Variants in LAT2 observed in about 807,000 individuals in gnomAD.
LAT2 encodes the protein linker for activation of T-cells family member 2.
LAT2 carries 23 observed loss-of-function variants against 43.4 expected under a neutral mutation model. The observed-to-expected ratio is 0.53, with a 90% CI of 0.38 to 0.75. The LOEUF (loss-of-function observed/expected upper bound fraction) is 0.75. Among genes scored for constraint, LAT2 ranks in the 30% least tolerant of loss-of-function variants. The pLI is 0.00. For missense variants in LAT2, 284 were observed against 310.2 expected (o/e 0.92, Z 0.64); for synonymous variants, 128 against 123.2 (o/e 1.04, Z -0.26).
intron 4 of LAT2, 115 bp downstream of exon 4, chr7:74,216,979 C>A: frequency 3.4e-6 from 3 of 878,784 alleles, no homozygotes; most frequent in South Asian, 1.4e-5. Context: ...TCCTCCGTGC[C>A]AAGTTCTAGT....
At chr7:74,214,510 ATG>A (rs1801918906) in intron 1 of LAT2, among the ~76,000 whole-genome samples, 1 of 23,660 alleles carries the variant, frequency 4.2e-5, no homozygotes, top group Non-Finnish European at 6.0e-5. Flanking sequence ...ATATATATAT[ATG>A]AAAATATATA....
chr7:74,219,181 C>T (rs1240763906), intron 4 of LAT2, among the ~76,000 whole-genome samples: 5 of 151,668 alleles, frequency 3.3e-5, no homozygotes, highest in South Asian at 2.1e-4. Context: ...GGACTACAGG[C>T]GCCCGCCACC....
intron 10 of LAT2, among the ~76,000 whole-genome samples, chr7:74,222,865 C>G (rs782269203): frequency 1.3e-5 from 2 of 152,248 alleles, no homozygotes; most frequent in South Asian, 4.1e-4. Flanking sequence ...ATGAGCCACC[C>G]CGCCAGGCTG....
intron 10 of LAT2, among the ~76,000 whole-genome samples, chr7:74,222,874 T>C (rs1436851686): frequency 6.6e-6 from 1 of 152,192 alleles, no homozygotes; most frequent in Admixed American, 6.5e-5. Flanking sequence ...CCCGCCAGGC[T>C]GGCAGTGCTC....
intron 10 of LAT2, among the ~76,000 whole-genome samples, chr7:74,221,961 G>C (rs1247856064): frequency 6.6e-6 from 1 of 151,998 alleles, no homozygotes; most frequent in Non-Finnish European, 1.5e-5. Flanking sequence ...GGGGAGGTGG[G>C]GGGAGGCCAG....
chr7:74,222,356 G>A (rs1554715438), intron 10 of LAT2, among the ~76,000 whole-genome samples: 1 of 146,174 alleles, frequency 6.8e-6, no homozygotes, highest in Admixed American at 6.9e-5. Context: ...AGCCAAGATC[G>A]CACCATTGCA....
At chr7:74,228,353 G>A (rs1236495647) in intron 13 of LAT2, among the ~76,000 whole-genome samples, 8 of 151,034 alleles carry the variant, frequency 5.3e-5, no homozygotes, top group Admixed American at 3.3e-4. Flanking sequence ...GCAGGCGCCT[G>A]TAGTCCCAGC....
rs116847163 is a variant in LAT2, at chr7:74,210,076, C to T, written c.-231C>T. ...GGATGGGGCGGCCGTGGTGAGGAAC[C>T]CTGGACTCTCAGGTAAGCCTTTCCC... On this transcript the variant is annotated 5_prime_UTR_variant, in exon 1 of 14. Transcript: ENST00000460943. 2.0e-5 allele frequency: 3 copies of T among 152,418 alleles called. No homozygotes were observed. The highest frequency in any genetic ancestry group is 4.4e-5 in the Non-Finnish European group (3 of 68,270). 9.4% of individuals were successfully genotyped at this position (152,418 alleles called of 1,614,324 possible).
intron 1 of LAT2, 46 bp from the exon 2 acceptor site, chr7:74,214,776 A>AATATATATATAAACATATATATCTCACT (rs1563968789): frequency 1.6e-5 from 1 of 60,952 alleles, no homozygotes; most frequent in African/African-American, 9.0e-5. Flanking sequence ...TATATATATA[A>AATATATATATAAACATATATATCTCACT]ATATATATAT....
intron 1 of LAT2, among the ~76,000 whole-genome samples, chr7:74,211,650 G>C (rs1801742107): frequency 3.9e-5 from 6 of 151,946 alleles, no homozygotes; most frequent in Admixed American, 2.6e-4. Context: ...GTAGAGACGG[G>C]GTTTCGCCAT....
In LAT2 at chr7:74,220,938, G is replaced by C. The variant is rs535129870; in HGVS notation, c.332+204G>C. On this transcript the variant is annotated intron_variant, in intron 9 of 13. Coordinates refer to ENST00000460943, the MANE Select transcript of LAT2 (RefSeq NM_032464.3). The surrounding 1 kb of genome is among the most constrained non-coding windows in gnomAD (Gnocchi z 4.5). ...CATTGGGCGACACTGTTGTCTCTTA[G>C]GTAACCCTGGGTTTGGGGGACTGGA... is the stretch of plus-strand genomic sequence containing the variant. Among the ~76,000 whole-genome samples the C allele has an allele frequency of 6.6e-6, 1 of 152,290 alleles. No individual in the cohort carries two copies. The highest frequency in any genetic ancestry group is 2.1e-4 in the South Asian group (1 of 4,828).
chr7:74,228,872 T>C (rs1802591494), intron 13 of LAT2, 72 bp from the exon 14 acceptor site: 1 of 151,854 alleles, frequency 6.6e-6, no homozygotes, highest in South Asian at 2.1e-4. Flanking sequence ...CCCAAACCAG[T>C]GGTTATGGTT....
At chr7:74,224,262 G>T (rs1421665711) in intron 12 of LAT2, 65 bp downstream of exon 12, 1 of 1,542,156 alleles carries the variant, frequency 6.5e-7, no homozygotes, top group Admixed American at 1.7e-5. Context: ...TGGCCTGGAA[G>T]GGCAGGCTGA....
At chr7:74,214,774 T>TATATAA (rs1801968643) in intron 1 of LAT2, 48 bp from the exon 2 acceptor site, 1 of 20,866 alleles carries the variant, frequency 4.8e-5, no homozygotes, top group Non-Finnish European at 8.5e-5. Context: ...CATATATATA[T>TATATAA]AAATATATAT....
Position 74,222,660 on chromosome 7 carries a change from G to A in LAT2, c.388+968G>A, listed in dbSNP as rs1049412527. On this transcript the variant is annotated intron_variant, in intron 10 of 13. Transcript: ENST00000460943. ...ACGATCTTGGTTCACTGCAACCTCC[G>A]CCTCCCGGGTTCAAGCGATTTTCCT... Among the ~76,000 whole-genome samples the A allele has an allele frequency of 1.3e-4, 19 of 151,674 alleles. No homozygotes were observed. In the East Asian group the frequency reaches 2.8e-3, roughly 22 times the overall value.
intron 10 of LAT2, among the ~76,000 whole-genome samples, 181 bp downstream of exon 10, chr7:74,221,873 G>A (rs927947165): frequency 1.2e-4 from 18 of 150,698 alleles, no homozygotes; most frequent in Non-Finnish European, 2.4e-4. Flanking sequence ...GGGCGGGCGG[G>A]TCAGCGTGGG....
chr7:74,216,289 C>T (rs1376909877), intron 3 of LAT2, among the ~76,000 whole-genome samples: 2 of 151,932 alleles, frequency 1.3e-5, no homozygotes, highest in South Asian at 4.2e-4. Context: ...AGAGAGATTG[C>T]CCCAGACGAG....
At chr7:74,216,561 G>A (rs1179165885) in intron 3 of LAT2, among the ~76,000 whole-genome samples, 1 of 152,046 alleles carries the variant, frequency 6.6e-6, no homozygotes, top group Non-Finnish European at 1.5e-5. Context: ...TAGTAGAGAC[G>A]GGGTTTCCCC....
intron 1 of LAT2, among the ~76,000 whole-genome samples, chr7:74,214,292 G>A (rs1343041495): frequency 1.2e-3 from 74 of 60,882 alleles, no homozygotes; most frequent in South Asian, 1.6e-3. Context: ...ATATATATAT[G>A]AAAATATATA....
Sources: allele counts gnomAD v4.1 joint callset (sites outside exome capture counted in the v4.1 genomes callset), GRCh38; gene constraint gnomAD v4.1.1; non-coding constraint Gnocchi (gnomAD v3.1); transcripts MANE v1.5; gene names NCBI Gene and HGNC (gene_info 2026-07-23, HGNC 2026-07-21).